Variants in SLC45A4 observed in about 807,000 individuals in gnomAD.
SLC45A4 encodes solute carrier family 45 member 4.
A neutral mutation model predicts 63.7 loss-of-function variants in SLC45A4; 32 were observed. The ratio of observed to expected loss-of-function variants is 0.50; its 90% CI spans 0.38 to 0.67. SLC45A4 has a LOEUF of 0.67. SLC45A4 is among the 30% of genes least tolerant of loss of function. The probability of loss-of-function intolerance (pLI) is 0.00; values close to 1 mark genes in which losing one functional copy is unlikely to be tolerated. For missense variants in SLC45A4, 1,027 were observed against 1,157.7 expected (o/e 0.89, Z 1.64); for synonymous variants, 535 against 510.0 (o/e 1.05, Z -0.66).
Position 141,218,827 on chromosome 8 carries a change from GGCGCCGGGCTCCTCA to G in SLC45A4, c.798_812del (p.Glu267_Ala271del). On this transcript the variant is annotated inframe_deletion, in exon 5 of 9. Transcript: ENST00000517878. ...CGCCGTGCGGCTCGCCCCCATCCAG[GGCGCCGGGCTCCTCA>G]GCGCTGCGCTCCTGCTGCGGGCTGT... is the stretch of plus-strand genomic sequence containing the variant. The G allele has an allele frequency of 1.2e-6, 2 of 1,613,088 alleles. No individual in the cohort carries two copies. Among genetic ancestry groups the G allele is most frequent in the South Asian group, 2.2e-5 (2 of 91,064 alleles).
At chr8:141,222,026 T>C (rs1293438122) in intron 2 of SLC45A4, among the ~76,000 whole-genome samples, 3 of 152,256 alleles carry the variant, frequency 2.0e-5, no homozygotes, top group Non-Finnish European at 4.4e-5. Flanking sequence ...CCACCTGCAC[T>C]GGCCCGAGCC....
chr8:141,241,590 G>T (rs531962572), intron 2 of SLC45A4, among the ~76,000 whole-genome samples: 1 of 152,118 alleles, frequency 6.6e-6, no homozygotes. Context: ...AAGAAAAACA[G>T]CTTCCCTTTT....
chr8:141,299,155 C>G (rs1046428979), intron 1 of SLC45A4, among the ~76,000 whole-genome samples: 16 of 152,192 alleles, frequency 1.1e-4, no homozygotes, highest in African/African-American at 3.9e-4. Context: ...CACACGGAAG[C>G]AGAAGCTCCG....
At chr8:141,279,644 C>T (rs935819060) in intron 1 of SLC45A4, among the ~76,000 whole-genome samples, 1 of 152,112 alleles carries the variant, frequency 6.6e-6, no homozygotes, top group Non-Finnish European at 1.5e-5. Context: ...CCTGGTGCAT[C>T]GCGCACCCCT....
chr8:141,265,901 A>C (rs1829247756), intron 1 of SLC45A4, among the ~76,000 whole-genome samples: 1 of 152,242 alleles, frequency 6.6e-6, no homozygotes. Flanking sequence ...AGATGCACTC[A>C]GACAAGCGAA....
intron 1 of SLC45A4, among the ~76,000 whole-genome samples, chr8:141,275,363 T>C (rs1829691115): frequency 1.3e-5 from 2 of 152,226 alleles, no homozygotes; most frequent in African/African-American, 2.4e-5. Context: ...TCCTGGTTAA[T>C]ATGTATCAAA....
rs562921414 is a variant in SLC45A4, at chr8:141,287,479, C to T, written c.-401+20617G>A. Among the ~76,000 whole-genome samples the T allele has an allele frequency of 5.7e-4, 87 of 152,324 alleles. 1 individual carries two copies. The highest frequency in any genetic ancestry group is 2.0e-3 in the African/African-American group (85 of 41,568). ...CTTCTCCCCAAAGTCCCTCGTTAACCCTTCACGGCAAGTCTGGAGTTTCCC... is the reference window on the plus strand; with the variant it reads ...CTTCTCCCCAAAGTCCCTCGTTAACTCTTCACGGCAAGTCTGGAGTTTCCC... On this transcript the variant is annotated intron_variant, in intron 1 of 8. Transcript: ENST00000517878.
intron 2 of SLC45A4, among the ~76,000 whole-genome samples, chr8:141,244,657 A>C (rs1828080528): frequency 6.6e-6 from 1 of 152,170 alleles, no homozygotes. Flanking sequence ...TGAGCAGTAA[A>C]CAGCTGCAGA....
intron 1 of SLC45A4, among the ~76,000 whole-genome samples, chr8:141,281,527 C>T (rs557648614): frequency 3.9e-5 from 6 of 152,286 alleles, no homozygotes; most frequent in East Asian, 3.9e-4. Context: ...CTTAAAGCTC[C>T]GCGGCAGCAC....
intron 1 of SLC45A4, among the ~76,000 whole-genome samples, chr8:141,267,301 C>T (rs887668563): frequency 6.6e-6 from 1 of 152,224 alleles, no homozygotes; most frequent in Non-Finnish European, 1.5e-5. Flanking sequence ...GTGGGGCCTG[C>T]GTGGCTACAC....
At chr8:141,289,991 G>C (rs1332281185) in intron 1 of SLC45A4, among the ~76,000 whole-genome samples, 2 of 152,108 alleles carry the variant, frequency 1.3e-5, no homozygotes, top group Admixed American at 6.5e-5. Flanking sequence ...AGCTAGCAGA[G>C]AACTCCAACA....
At chr8:141,281,308 C>T (rs1192190930) in intron 1 of SLC45A4, among the ~76,000 whole-genome samples, 1 of 152,182 alleles carries the variant, frequency 6.6e-6, no homozygotes, top group East Asian at 1.9e-4. Context: ...CACCGTACTC[C>T]AGCCTGGGTG....
At chr8:141,248,132 C>A (rs1014958170) in intron 2 of SLC45A4, among the ~76,000 whole-genome samples, 4 of 152,156 alleles carry the variant, frequency 2.6e-5, no homozygotes, top group Admixed American at 2.6e-4. Flanking sequence ...CCAGCCCAGG[C>A]AATGCAGTGA....
At position 141,219,684 on chromosome 8, in the gene SLC45A4, C is replaced by A; in HGVS notation, c.576G>T (p.Gln192His). The A allele has an allele frequency of 6.2e-7, 1 of 1,612,656 alleles. No individual in the cohort carries two copies. The highest frequency in any genetic ancestry group is 2.2e-5 in the East Asian group (1 of 44,870). ...YLLDVVDSEE[Q>H]DMALNIHAFS... ...AGGCGTGGATGTTGAGGGCCATGTC[C>A]TGCTCCTCGCTGTCCACCACGTCCA... Residue 192 changes from glutamine (Q) to histidine (H), a missense_variant, in exon 4 of 9, where the codon CAG becomes CAT. Physicochemically the swap from Gln to His is conservative, Grantham distance 24. Transcript: ENST00000517878.
chr8:141,261,261 A>G (rs555492393), intron 1 of SLC45A4, among the ~76,000 whole-genome samples: 7,755 of 152,278 alleles, frequency 0.051, 669 homozygotes, highest in African/African-American at 0.17. Context: ...CCCACAGCCA[A>G]TATCATACTG....
At chr8:141,232,668 G>A (rs546723505) in intron 2 of SLC45A4, among the ~76,000 whole-genome samples, 2 of 148,762 alleles carry the variant, frequency 1.3e-5, no homozygotes, top group South Asian at 2.3e-4. Context: ...CAGACATTCA[G>A]TGGCTCCCAG....
At chr8:141,259,743 T>C (rs1248555309) in intron 1 of SLC45A4, among the ~76,000 whole-genome samples, 1 of 152,176 alleles carries the variant, frequency 6.6e-6, no homozygotes, top group Non-Finnish European at 1.5e-5. Context: ...CCCGCTTTCA[T>C]CTGTCCCCAG....
At chr8:141,262,928 A>G (rs78235040) in intron 1 of SLC45A4, among the ~76,000 whole-genome samples, 41,849 of 149,586 alleles carry the variant, frequency 0.28, 6,169 homozygotes, top group East Asian at 0.47. Context: ...TGTTTATTGC[A>G]GCACTATTCA....
At chr8:141,239,842 C>T (rs1827820047) in intron 2 of SLC45A4, among the ~76,000 whole-genome samples, 1 of 152,202 alleles carries the variant, frequency 6.6e-6, no homozygotes. Context: ...GAGGCCTGGT[C>T]ATCTCTGCAC....
Sources: allele counts gnomAD v4.1 joint callset (sites outside exome capture counted in the v4.1 genomes callset), GRCh38; gene constraint gnomAD v4.1.1; transcripts MANE v1.5; gene names NCBI Gene and HGNC (gene_info 2026-07-23, HGNC 2026-07-21).